FCMR: variants seen among roughly 807,000 people sequenced by gnomAD.
The protein encoded by FCMR is immunoglobulin mu Fc receptor.
FCMR carries 34 observed loss-of-function variants against 41.6 expected under a neutral mutation model. The observed-to-expected ratio is 0.82, with a 90% confidence interval of 0.62 to 1.09. The LOEUF is 1.09. FCMR is among the 50% of genes least tolerant of loss of function. The pLI is 0.00. For synonymous variants in FCMR, 209 were observed against 211.8 expected, an observed-to-expected ratio of 0.99 and a Z score of 0.12; for missense variants, 496 against 512.5, an observed-to-expected ratio of 0.97 and a Z score of 0.31.
intron 1 of FCMR, among the ~76,000 whole-genome samples, chr1:206,918,339 G>A (rs1311180505): frequency 6.6e-6 from 1 of 152,086 alleles, no homozygotes; most frequent in Non-Finnish European, 1.5e-5. Context: ...CCTTGGACCT[G>A]TTCTTTTCTC....
chr1:206,918,751 CA>C (rs1346152485), intron 1 of FCMR, among the ~76,000 whole-genome samples: 4 of 150,504 alleles, frequency 2.7e-5, no homozygotes, highest in African/African-American at 9.8e-5. Flanking sequence ...TATCATTAGT[CA>C]AGGTAAAAAG....
Position 206,903,397 on chromosome 1 carries a change from C to G in FCMR, c.*1622G>C, listed in dbSNP as rs1001396694. The G allele has an allele frequency of 5.6e-5, 13 of 232,472 alleles. 1 individual carries two copies. Among genetic ancestry groups the G allele is most frequent in the Admixed American group, 2.0e-4 (4 of 19,628 alleles). 14.4% of individuals were successfully genotyped at this position (232,472 alleles called of 1,614,324 possible). A position where few individuals can be genotyped will look rare whatever the true frequency, so the allele number is the denominator to read the frequency against. ...ATATTGTGCCCCATGCTTCTTTACC[C>G]CTCACAATCCTTGCCACAGTGTGGG... On this transcript the variant is annotated 3_prime_UTR_variant, in exon 8 of 8. Transcript: ENST00000367091.
Position 206,910,192 on chromosome 1 carries a change from C to A in FCMR, c.841+18G>T. 1.3e-6 allele frequency: 2 copies of A among 1,584,840 alleles called. No homozygotes were observed. The highest frequency in any genetic ancestry group is 8.6e-7 in the Non-Finnish European group (1 of 1,167,710). The stretch of plus-strand genomic sequence containing the variant: ...CTTTGGGCAGCTCAGCTCTCCCTAC[C>A]GAAGCCCAGCCGCTCACCTTTCCTC... On this transcript the variant is annotated intron_variant, in intron 5 of 7. Coordinates refer to ENST00000367091, the MANE Select transcript of FCMR (RefSeq NM_005449.5).
chr1:206,904,512 C>T lies in FCMR; in HGVS notation c.*507G>A, dbSNP rs1678534890. 1 of 159,632 alleles carries T rather than the reference C, an allele frequency of 6.3e-6. No homozygotes were observed. Among genetic ancestry groups the T allele is most frequent in the South Asian group, 1.8e-4 (1 of 5,646 alleles). 9.9% of individuals were successfully genotyped at this position (159,632 alleles called of 1,614,324 possible). A position where few individuals can be genotyped will look rare whatever the true frequency, so the allele number is the denominator to read the frequency against. Reference sequence around the variant, plus strand: ...GCTAACATTTGGATCAGGGCAAAGGCGTTTCCAGGAGTGTTTTTATACCAG... The same window carrying T: ...GCTAACATTTGGATCAGGGCAAAGGTGTTTCCAGGAGTGTTTTTATACCAG... On this transcript the variant is annotated 3_prime_UTR_variant, in exon 8 of 8. Transcript: ENST00000367091.
chr1:206,921,321 C>A, intron 1 of FCMR: 1 of 364,292 alleles, frequency 2.7e-6, no homozygotes, highest in Non-Finnish European at 5.6e-6. Context: ...TAACACCTGG[C>A]TGGGCACAGT....
At position 206,909,400 on chromosome 1, in the gene FCMR, G is replaced by T; in HGVS notation, c.1044+62C>A. 9.4e-7 allele frequency: 1 copy of T among 1,067,634 alleles called. No individual in the cohort carries two copies. Among genetic ancestry groups the T allele is most frequent in the Non-Finnish European group, 1.2e-6 (1 of 837,072 alleles). 66.1% of individuals were successfully genotyped at this position (1,067,634 alleles called of 1,614,324 possible). A position where few individuals can be genotyped will look rare whatever the true frequency, so the allele number is the denominator to read the frequency against. On this transcript the variant is annotated intron_variant, in intron 7 of 7. Transcript: ENST00000367091. This position sits in a 1 kb window ranked among gnomAD's most constrained non-coding sequence, Gnocchi z 5.0. ...CGCGGGAAGCCACACTCGGGTCCCCGCCCAGGGCTGGGGCCGCCCAGTCGG... is the reference window on the plus strand; with the variant it reads ...CGCGGGAAGCCACACTCGGGTCCCCTCCCAGGGCTGGGGCCGCCCAGTCGG...
At chr1:206,913,731 T>C (rs779505702) in intron 2 of FCMR, 28 bp downstream of exon 2, 18 of 1,578,814 alleles carry the variant, frequency 1.1e-5, no homozygotes, top group Non-Finnish European at 1.5e-5. Flanking sequence ...CTGGGTAGTC[T>C]GAGCCTCCAA....
chr1:206,907,827 C>A, intron 7 of FCMR: 1 of 1,402,556 alleles, frequency 7.1e-7, no homozygotes, highest in Non-Finnish European at 1.0e-6. Flanking sequence ...TCCCGAGGTC[C>A]CTACCACTTC....
intron 1 of FCMR, among the ~76,000 whole-genome samples, chr1:206,915,978 A>AG (rs1353239194): frequency 5.4e-5 from 5 of 92,868 alleles, no homozygotes; most frequent in Non-Finnish European, 1.1e-4. Context: ...CAATCATGGG[A>AG]GGGGGAAAGG....
At chr1:206,915,374 T>C (rs1179155929) in intron 1 of FCMR, among the ~76,000 whole-genome samples, 1 of 151,972 alleles carries the variant, frequency 6.6e-6, no homozygotes, top group East Asian at 1.9e-4. Flanking sequence ...GGGTATGGAG[T>C]GCAACTGAGA....
chr1:206,913,909 G>T lies in FCMR; in HGVS notation c.223C>A (p.Arg75=). ...TNFIKAEYKG[R]VTLKQYPRKN... Reference sequence around the variant, plus strand: ...CGTGGGTATTGCTTCAGAGTAACTCGGCCCTTGTATTCTGCCTTGATGAAG... The same window carrying T: ...CGTGGGTATTGCTTCAGAGTAACTCTGCCCTTGTATTCTGCCTTGATGAAG... Residue 75 remains arginine (R), a synonymous_variant, in exon 2 of 8, where the codon CGA becomes AGA. Coordinates refer to ENST00000367091, the MANE Select transcript of FCMR (RefSeq NM_005449.5). 1.2e-6 allele frequency: 2 copies of T among 1,614,144 alleles called. No homozygotes were observed. Among genetic ancestry groups the T allele is most frequent in the Non-Finnish European group, 1.7e-6 (2 of 1,180,040 alleles).
chr1:206,919,742 G>A (rs1679350506), intron 1 of FCMR, among the ~76,000 whole-genome samples: 1 of 152,140 alleles, frequency 6.6e-6, no homozygotes, highest in Non-Finnish European at 1.5e-5. Context: ...GTACTTCTCA[G>A]GACAGACTGA....
In FCMR at chr1:206,913,193, T is replaced by C. The variant is rs2102561307; in HGVS notation, c.374-151A>G. On this transcript the variant is annotated intron_variant, in intron 2 of 7. Transcript: ENST00000367091. ...GCAGAGAAGGAGCTGGGTTGGGGGC[T>C]TCCCTGGAGGAAATACTGGTTCCCC... 5 of 644,156 alleles carry C rather than the reference T, an allele frequency of 7.8e-6. 1 individual carries two copies. In the South Asian group the frequency reaches 8.8e-5, roughly 11 times the overall value. 39.9% of individuals were successfully genotyped at this position (644,156 alleles called of 1,614,324 possible). A position where few individuals can be genotyped will look rare whatever the true frequency, so the allele number is the denominator to read the frequency against.
At chr1:206,921,964 C>T, upstream of FCMR, 1 of 956,210 alleles carries the variant, frequency 1.0e-6, no homozygotes, top group Non-Finnish European at 1.7e-6. Flanking sequence ...AGATTTCTAG[C>T]CCCCACGAGG....
At chr1:206,907,103 T>TGGGGGGGGGGGGGGGGG (rs75679471) in intron 7 of FCMR, among the ~76,000 whole-genome samples, 1 of 43,358 alleles carries the variant, frequency 2.3e-5, no homozygotes, top group African/African-American at 8.4e-5. Flanking sequence ...GGTGGGGGGG[T>TGGGGGGGGGGGGGGGGG]GGGGGGGGGG....
At chr1:206,913,471 C>G (rs1269700521) in intron 2 of FCMR, among the ~76,000 whole-genome samples, 1 of 152,214 alleles carries the variant, frequency 6.6e-6, no homozygotes, top group Non-Finnish European at 1.5e-5. Flanking sequence ...TTTCCTCCAT[C>G]TCAGAGCCTC....
chr1:206,919,018 T>G (rs1375394033), intron 1 of FCMR, among the ~76,000 whole-genome samples: 1 of 152,142 alleles, frequency 6.6e-6, no homozygotes, highest in Non-Finnish European at 1.5e-5. Context: ...TAATGCACCC[T>G]CCTTGGATGT....
intron 7 of FCMR, chr1:206,908,056 T>C (rs1678754289): frequency 3.4e-6 from 4 of 1,180,288 alleles, no homozygotes; most frequent in Non-Finnish European, 5.0e-6. Context: ...CGATGGTGGC[T>C]GGAAGTACCA....
At chr1:206,922,585 C>T (rs1679477952), upstream of FCMR, among the ~76,000 whole-genome samples, 1 of 152,244 alleles carries the variant, frequency 6.6e-6, no homozygotes, top group Non-Finnish European at 1.5e-5. Context: ...AACCTTCACC[C>T]TTAATCTCCC....
Sources: gnomAD v4.1 joint callset for allele counts (sites outside exome capture counted in the v4.1 genomes callset) on GRCh38, gnomAD v4.1.1 for gene constraint, Gnocchi (gnomAD v3.1) non-coding constraint, MANE v1.5 for transcripts, NCBI Gene and HGNC (gene_info 2026-07-23, HGNC 2026-07-21) for gene names.